The following ZNF296 variants were observed in gnomAD, a reference collection of about 807,000 sequenced individuals.
ZNF296 encodes the protein zinc finger protein 342.
ZNF296 carries 1 observed loss-of-function variant against 13.2 expected under a neutral mutation model. That is an observed-to-expected ratio of 0.08 (90% CI 0.03 to 0.36). The LOEUF (loss-of-function observed/expected upper bound fraction) is 0.36. ZNF296 is among the 10% of genes least tolerant of loss of function. The probability of loss-of-function intolerance (pLI) is 0.99; values close to 1 mark genes in which losing one functional copy is unlikely to be tolerated. For missense variants in ZNF296, 555 were observed against 688.2 expected (o/e 0.81, Z 2.16); for synonymous variants, 303 against 289.0 (o/e 1.05, Z -0.49).
Position 45,076,440 on chromosome 19 carries a change from CG to C in ZNF296, c.-68del. 1 of 1,146,806 alleles carries C rather than the reference CG, an allele frequency of 8.7e-7. No individual in the cohort carries two copies. Among genetic ancestry groups the C allele is most frequent in the Non-Finnish European group, 1.1e-6 (1 of 914,958 alleles). The allele number at this position is 1,146,806 out of a possible 1,614,324, so 71.0% of individuals were successfully genotyped here. Reference sequence around the variant, plus strand: ...GGCGGGCGGGCGGAGGACGCACGAGCGGAGGACGCGCGGACCGTGCGCGCTC... The same window carrying C: ...GGCGGGCGGGCGGAGGACGCACGAGCGAGGACGCGCGGACCGTGCGCGCTC... On this transcript the variant is annotated 5_prime_UTR_variant, in exon 1 of 3. Coordinates refer to ENST00000303809, the MANE Select transcript of ZNF296 (RefSeq NM_145288.3). The surrounding 1 kb of genome is among the most constrained non-coding windows in gnomAD (Gnocchi z 4.9).
intron 2 of ZNF296, among the ~76,000 whole-genome samples, chr19:45,074,872 C>G (rs1054238098): frequency 4.2e-4 from 64 of 152,288 alleles, no homozygotes; most frequent in African/African-American, 1.5e-3. Context: ...GCCCCTCGCT[C>G]GCTCCTCCAG....
intron 2 of ZNF296, 76 bp from the exon 3 acceptor site, chr19:45,072,656 C>T (rs1967278881): frequency 6.7e-7 from 1 of 1,502,338 alleles, no homozygotes; most frequent in Non-Finnish European, 8.9e-7. Flanking sequence ...GGCACTCCTG[C>T]AGGGGCAAAG....
intron 2 of ZNF296, among the ~76,000 whole-genome samples, chr19:45,075,461 G>A (rs1967327034): frequency 2.0e-5 from 3 of 152,154 alleles, no homozygotes; most frequent in Admixed American, 6.5e-5. Flanking sequence ...AAAATCCCGG[G>A]CTAGTCTTCT....
Position 45,072,045 on chromosome 19 carries a change from G to T in ZNF296, c.984C>A (p.Ala328=), listed in dbSNP as rs763934610. The change falls in exon 3 of 3, where the codon GCC becomes GCA. Residue 328 remains alanine, a synonymous_variant. Coordinates refer to ENST00000303809, the MANE Select transcript of ZNF296 (RefSeq NM_145288.3). ...PCSGGEGAGA[A]ATAGVQEPGA... ...CGGGTTCCTGGACACCTGCTGTGGC[G>T]GCGGCTCCAGCCCCCTCACCACCGC... 2.5e-6 allele frequency: 4 copies of T among 1,612,536 alleles called. No individual in the cohort carries two copies. In the East Asian group the frequency reaches 8.9e-5, roughly 36 times the overall value.
chr19:45,071,550 C>T lies in ZNF296; in HGVS notation c.*51G>A. The T allele has an allele frequency of 6.7e-7, 1 of 1,497,202 alleles. No homozygotes were observed. Among genetic ancestry groups the T allele is most frequent in the South Asian group, 1.3e-5 (1 of 74,118 alleles). The allele number at this position is 1,497,202 out of a possible 1,614,324, so 92.7% of individuals were successfully genotyped here. A position where few individuals can be genotyped will look rare whatever the true frequency, so the allele number is the denominator to read the frequency against. On this transcript the variant is annotated 3_prime_UTR_variant, in exon 3 of 3. Coordinates refer to ENST00000303809, the MANE Select transcript of ZNF296 (RefSeq NM_145288.3). The stretch of plus-strand genomic sequence containing the variant: ...AGAAGGCGGGCAAAAACGAGGAGGT[C>T]AATGGGTGTTGGCAGCGGTACCAGG...
In ZNF296 at chr19:45,076,235, T is replaced by C; in HGVS notation, c.139A>G (p.Arg47Gly). The C allele has an allele frequency of 6.7e-7, 1 of 1,502,228 alleles. No individual in the cohort carries two copies. Among genetic ancestry groups the C allele is most frequent in the Admixed American group, 2.5e-5 (1 of 40,664 alleles). 93.1% of individuals were successfully genotyped at this position (1,502,228 alleles called of 1,614,324 possible). A position where few individuals can be genotyped will look rare whatever the true frequency, so the allele number is the denominator to read the frequency against. ...EPDAQPQQAP[R>G]LGPFSPKEVS... ...TCCTTCGGGGAGAAGGGCCCCAGCC[T>C]TGGGGCCTGTTGGGGCTGCGCGTCT... The change falls in exon 1 of 3, where the codon AGG (arginine) becomes GGG (glycine). Residue 47 changes from arginine (R) to glycine (G), a missense_variant. This residue lies in a region of ZNF296 where 137 missense variants were observed against 121.9 expected (regional missense o/e 1.12). Transcript: ENST00000303809. This position sits in a 1 kb window ranked among gnomAD's most constrained non-coding sequence, Gnocchi z 4.9.
In ZNF296 at chr19:45,072,371, G is replaced by C. The variant is rs747141674; in HGVS notation, c.658C>G (p.Arg220Gly). Residue 220 changes from arginine (R) to glycine (G), a missense_variant, in exon 3 of 3, where the codon CGT becomes GGT. Around this residue, in one of 3 missense-constraint regions of ZNF296, gnomAD observed 410 missense variants for 548.0 expected, o/e 0.75. Coordinates refer to ENST00000303809, the MANE Select transcript of ZNF296 (RefSeq NM_145288.3). ...VGPAAEAKSP[R>G]ASGSGLTRRS... ...CGGGTGAGGCCGCTGCCACTTGCAC[G>C]GGGGCTCTTGGCCTCAGCTGCTGGC... The C allele has an allele frequency of 6.2e-7, 1 of 1,612,408 alleles. No homozygotes were observed. Among genetic ancestry groups the C allele is most frequent in the South Asian group, 1.1e-5 (1 of 91,066 alleles).
rs756760568 is a variant in ZNF296, at chr19:45,075,877, C to A, written c.299-15G>T. 31 of 1,609,750 alleles carry A rather than the reference C, an allele frequency of 1.9e-5. 1 individual carries two copies. In the South Asian group the frequency reaches 3.3e-4, roughly 17 times the overall value. ...GGGCTGGCGGTCTGCAGGGAGGAAGCGGGTGGTGAGCGTGGGGTGGGGCCA... is the reference window on the plus strand; with the variant it reads ...GGGCTGGCGGTCTGCAGGGAGGAAGAGGGTGGTGAGCGTGGGGTGGGGCCA... On this transcript the variant is annotated splice_polypyrimidine_tract_variant and intron_variant, in intron 1 of 2. Coordinates refer to ENST00000303809, the MANE Select transcript of ZNF296 (RefSeq NM_145288.3).
rs1967341336 is a variant in ZNF296, at chr19:45,076,053, G to C, written c.298+23C>G. The C allele has an allele frequency of 1.3e-6, 2 of 1,575,740 alleles. No homozygotes were observed. Among genetic ancestry groups the C allele is most frequent in the Non-Finnish European group, 1.7e-6 (2 of 1,166,816 alleles). On this transcript the variant is annotated intron_variant, in intron 1 of 2. Coordinates refer to ENST00000303809, the MANE Select transcript of ZNF296 (RefSeq NM_145288.3). The surrounding 1 kb of genome is among the most constrained non-coding windows in gnomAD (Gnocchi z 4.9). Reference sequence around the variant, plus strand: ...CGAGGGTCAAAGGTAAGGGAGGCTGGGCCCAGGGCCCGGGGTGCTCACCGG... The same window carrying C: ...CGAGGGTCAAAGGTAAGGGAGGCTGCGCCCAGGGCCCGGGGTGCTCACCGG...
chr19:45,075,505 C>T (rs1163343665), intron 2 of ZNF296, among the ~76,000 whole-genome samples: 3 of 152,008 alleles, frequency 2.0e-5, no homozygotes, highest in East Asian at 3.9e-4. Context: ...GGCCCTCCTT[C>T]CCTGCCCAGT....
Position 45,076,170 on chromosome 19 carries a change from G to A in ZNF296, c.204C>T (p.His68=), listed in dbSNP as rs1182339718. The A allele has an allele frequency of 1.3e-6, 2 of 1,519,074 alleles. No homozygotes were observed. The highest frequency in any genetic ancestry group is 1.8e-6 in the Non-Finnish European group (2 of 1,137,174). The allele number at this position is 1,519,074 out of a possible 1,614,324, so 94.1% of individuals were successfully genotyped here. ...CCCCGGCGGGCATGGGGCCAGGGGA[G>A]TGGTGGGGTTCGCCGCCGAACCGCC... ...SAGRFGGEPH[H]SPGPMPAGAA... The change falls in exon 1 of 3, where the codon CAC becomes CAT. Residue 68 remains histidine (H), a synonymous_variant. Coordinates refer to ENST00000303809, the MANE Select transcript of ZNF296 (RefSeq NM_145288.3). The surrounding 1 kb of genome is among the most constrained non-coding windows in gnomAD (Gnocchi z 4.9).
rs1006062076 is a variant in ZNF296 at position 45,072,225 on chromosome 19, G to A, written c.804C>T (p.Cys268=). Residue 268 remains cysteine, a synonymous_variant, in exon 3 of 3, where the codon TGC becomes TGT. Transcript: ENST00000303809. ...GGCGGTTGAGCTTGCTGCTCTGGGC[G>A]CAGGCGTAGGGACACTGGTCGCAAG... is the stretch of plus-strand genomic sequence containing the variant. ...PYACDQCPYA[C]AQSSKLNRHK... The A allele has an allele frequency of 1.2e-5, 19 of 1,612,030 alleles. No individual in the cohort carries two copies. Among genetic ancestry groups the A allele is most frequent in the African/African-American group, 4.0e-5 (3 of 74,894 alleles).
rs778585147 is a variant in ZNF296 at position 45,072,058 on chromosome 19, C to T, written c.971G>A (p.Gly324Glu). 2.5e-6 allele frequency: 4 copies of T among 1,612,522 alleles called. No homozygotes were observed. The highest frequency in any genetic ancestry group is 3.4e-6 in the Non-Finnish European group (4 of 1,179,936). The change falls in exon 3 of 3, where the codon GGG becomes GAG. Residue 324 changes from glycine to glutamate, a missense_variant. By Grantham distance (98) the Gly-to-Glu change is moderately conservative. This residue lies in a region of ZNF296 where 410 missense variants were observed against 548.0 expected (regional missense o/e 0.75). Coordinates refer to ENST00000303809, the MANE Select transcript of ZNF296 (RefSeq NM_145288.3). ...TSTLPCSGGE[G>E]AGAAATAGVQ... Reference sequence around the variant, plus strand: ...ACCTGCTGTGGCGGCGGCTCCAGCCCCCTCACCACCGCTGCATGGAAGGGT... The same window carrying T: ...ACCTGCTGTGGCGGCGGCTCCAGCCTCCTCACCACCGCTGCATGGAAGGGT...
rs745633293 is a variant in ZNF296 at position 45,071,579 on chromosome 19, A to G, written c.*22T>C. ...GGGTGTTGGCAGCGGTACCAGGGAC[A>G]GTGAGGGGGGCTTTCCTGGGCTCAG... On this transcript the variant is annotated 3_prime_UTR_variant, in exon 3 of 3. Transcript: ENST00000303809. The G allele has an allele frequency of 2.0e-6, 3 of 1,504,848 alleles. No individual in the cohort carries two copies. In the South Asian group the frequency reaches 4.0e-5, roughly 20 times the overall value. The allele number at this position is 1,504,848 out of a possible 1,614,324, so 93.2% of individuals were successfully genotyped here.
chr19:45,073,649 C>T (rs2122632877), intron 2 of ZNF296, among the ~76,000 whole-genome samples: 1 of 147,774 alleles, frequency 6.8e-6, no homozygotes, highest in South Asian at 2.1e-4. Context: ...TCAAGTAATC[C>T]TTCCGCCTCA....
At position 45,076,440 on chromosome 19, in the gene ZNF296, C is replaced by T. The variant is rs1710837005; in HGVS notation, c.-67G>A. The T allele has an allele frequency of 1.7e-5, 19 of 1,146,804 alleles. No homozygotes were observed. Among genetic ancestry groups the T allele is most frequent in the Non-Finnish European group, 1.9e-5 (17 of 914,956 alleles). The allele number at this position is 1,146,804 out of a possible 1,614,324, so 71.0% of individuals were successfully genotyped here. On this transcript the variant is annotated 5_prime_UTR_variant, in exon 1 of 3. Transcript: ENST00000303809. The surrounding 1 kb of genome is among the most constrained non-coding windows in gnomAD (Gnocchi z 4.9). ...GGCGGGCGGGCGGAGGACGCACGAGCGGAGGACGCGCGGACCGTGCGCGCT... is the reference window on the plus strand; with the variant it reads ...GGCGGGCGGGCGGAGGACGCACGAGTGGAGGACGCGCGGACCGTGCGCGCT...
At position 45,075,779 on chromosome 19, in the gene ZNF296, C is replaced by T. The variant is rs1469558072; in HGVS notation, c.382G>A (p.Ala128Thr). The change falls in exon 2 of 3, where the codon GCC becomes ACC. Residue 128 changes from alanine (A) to threonine (T), a missense_variant. This residue lies in a region of ZNF296 where 410 missense variants were observed against 548.0 expected (regional missense o/e 0.75). Transcript: ENST00000303809. The part of the protein sequence containing the change: ...LQTFPLEAIT[A>T]FMDHKKLGCQ... Reference sequence around the variant, plus strand: ...CCCAGCTTCTTGTGGTCCATGAAGGCAGTGATGGCCTCCAACGGGAAGGTC... The same window carrying T: ...CCCAGCTTCTTGTGGTCCATGAAGGTAGTGATGGCCTCCAACGGGAAGGTC... 3 of 1,614,112 alleles carry T rather than the reference C, an allele frequency of 1.9e-6. No individual in the cohort carries two copies. Among genetic ancestry groups the T allele is most frequent in the Admixed American group, 3.3e-5 (2 of 60,020 alleles).
intron 2 of ZNF296, among the ~76,000 whole-genome samples, chr19:45,074,264 G>A (rs765910568): frequency 6.6e-6 from 1 of 151,862 alleles, no homozygotes; most frequent in African/African-American, 2.4e-5. Flanking sequence ...GGAGGGCTGA[G>A]GCAGGAGAAT....
intron 2 of ZNF296, among the ~76,000 whole-genome samples, chr19:45,073,410 G>A (rs1486115149): frequency 7.1e-6 from 1 of 141,558 alleles, no homozygotes; most frequent in Admixed American, 7.1e-5. Context: ...TTGCTCTGTC[G>A]CCCAGGCTGC....
Sources: gnomAD v4.1 joint callset for allele counts (sites outside exome capture counted in the v4.1 genomes callset) on GRCh38, gnomAD v4.1.1 for gene constraint, gnomAD v4.1.1 regional missense constraint, Gnocchi (gnomAD v3.1) non-coding constraint, MANE v1.5 for transcripts, NCBI Gene and HGNC (gene_info 2026-07-23, HGNC 2026-07-21) for gene names.